CAST: variants seen among roughly 807,000 people sequenced by gnomAD.
The protein encoded by CAST is MIR583 host.
A neutral mutation model predicts 119.6 loss-of-function variants in CAST; 76 were observed. That is an observed-to-expected ratio of 0.64 (90% CI 0.53 to 0.77). CAST has a LOEUF of 0.77. CAST is among the 30% of genes least tolerant of loss of function. CAST has a pLI of 0.00. For missense variants in CAST, 953 were observed against 946.5 expected (o/e 1.01, Z -0.09); for synonymous variants, 319 against 331.6 (o/e 0.96, Z 0.41).
chr5:96,494,954 A>G, the CAST span, among the ~76,000 whole-genome samples: 1 of 151,788 alleles, frequency 6.6e-6, no homozygotes, highest in Admixed American at 6.6e-5. Flanking sequence ...CGTCTCTACT[A>G]AAAATACAAA....
the CAST span, among the ~76,000 whole-genome samples, chr5:96,322,662 A>C: frequency 6.6e-6 from 1 of 152,128 alleles, no homozygotes; most frequent in African/African-American, 2.4e-5. Context: ...AGAGGAGAAC[A>C]AGGGGACAGG....
At chr5:96,771,755 A>G in intron 31 of CAST, 53 bp downstream of exon 31, 2 of 1,144,418 alleles carry the variant, frequency 1.7e-6, no homozygotes, top group African/African-American at 1.5e-5. Flanking sequence ...CTGCCAATTT[A>G]TGTGTTATAG....
At chr5:96,082,510 T>C in the CAST span, among the ~76,000 whole-genome samples, 1 of 152,188 alleles carries the variant, frequency 6.6e-6, no homozygotes, top group African/African-American at 2.4e-5. Flanking sequence ...AAAATGAAGA[T>C]TTTTCTCTTA....
At chr5:96,668,632 C>G (rs965205848) in intron 1 of CAST, among the ~76,000 whole-genome samples, 6 of 152,116 alleles carry the variant, frequency 3.9e-5, no homozygotes, top group Admixed American at 1.3e-4. Context: ...ACCATTAGCC[C>G]TATTTTACAA....
At chr5:96,445,498 T>A in the CAST span, among the ~76,000 whole-genome samples, 2 of 152,218 alleles carry the variant, frequency 1.3e-5, no homozygotes, top group African/African-American at 4.8e-5. Context: ...ATTCTAGACC[T>A]CCATGGGCAG....
At chr5:96,530,270 G>C (rs917071754) in intron 1 of CAST, among the ~76,000 whole-genome samples, 7 of 152,104 alleles carry the variant, frequency 4.6e-5, no homozygotes, top group Non-Finnish European at 1.0e-4. Flanking sequence ...GGAACCATAG[G>C]AAGGATGAGA....
the CAST span, among the ~76,000 whole-genome samples, chr5:96,512,192 G>A: frequency 0.016 from 2,397 of 152,250 alleles, 69 homozygotes; most frequent in African/African-American, 0.056. Context: ...TTTAGAAATT[G>A]CACATGTATT....
the CAST span, among the ~76,000 whole-genome samples, chr5:95,989,868 G>A: frequency 6.6e-6 from 1 of 152,108 alleles, no homozygotes; most frequent in African/African-American, 2.4e-5. Context: ...AGATCTTGTT[G>A]TACCCTGCCA....
the CAST span, among the ~76,000 whole-genome samples, chr5:96,065,152 T>C: frequency 2.6e-5 from 4 of 152,248 alleles, no homozygotes; most frequent in Admixed American, 6.5e-5. Flanking sequence ...GTACATTTCT[T>C]TTTGGTGGAA....
chr5:96,300,171 T>C, the CAST span, among the ~76,000 whole-genome samples: 1 of 152,116 alleles, frequency 6.6e-6, no homozygotes, highest in African/African-American at 2.4e-5. Flanking sequence ...CTATAAAACA[T>C]TATTTCACAG....
chr5:96,482,104 T>C, the CAST span, among the ~76,000 whole-genome samples: 1 of 152,156 alleles, frequency 6.6e-6, no homozygotes, highest in Non-Finnish European at 1.5e-5. Context: ...ATCTCTTTTC[T>C]CTGCAATTTA....
the CAST span, among the ~76,000 whole-genome samples, chr5:96,296,025 G>A: frequency 6.6e-6 from 1 of 152,154 alleles, no homozygotes; most frequent in Admixed American, 6.5e-5. Context: ...ACCATGAACA[G>A]TTGTTACTTT....
the CAST span, among the ~76,000 whole-genome samples, chr5:96,091,526 G>A: frequency 4.4e-5 from 4 of 90,546 alleles, no homozygotes; most frequent in Non-Finnish European, 4.3e-5. Flanking sequence ...TTTTTTTTGA[G>A]ATAGGGTCTT....
chr5:96,446,235 C>T, the CAST span, among the ~76,000 whole-genome samples: 1 of 151,040 alleles, frequency 6.6e-6, no homozygotes, highest in Non-Finnish European at 1.5e-5. Context: ...GACAACCCCT[C>T]ATTTGGTCTA....
chr5:96,652,654 T>G (rs926029927), intron 1 of CAST, among the ~76,000 whole-genome samples: 1 of 152,218 alleles, frequency 6.6e-6, no homozygotes, highest in African/African-American at 2.4e-5. Flanking sequence ...GGGAGTAAGA[T>G]ATGTGCCATA....
At chr5:96,241,933 T>A in the CAST span, among the ~76,000 whole-genome samples, 10 of 137,880 alleles carry the variant, frequency 7.3e-5, no homozygotes, top group Non-Finnish European at 1.3e-4. Flanking sequence ...CTTGTAAATT[T>A]GTTTGAGTTC....
Position 96,722,715 on chromosome 5 carries a change from T to G in CAST, c.270+17T>G. 2 of 1,578,754 alleles carry G rather than the reference T, an allele frequency of 1.3e-6. No homozygotes were observed. The highest frequency in any genetic ancestry group is 8.7e-7 in the Non-Finnish European group (1 of 1,147,722). ...GAAACCAAGGTATGAAGAATGCTAA[T>G]TGAGTGAGTGCTAATTTAAGTTGAT... is the stretch of plus-strand genomic sequence containing the variant. On this transcript the variant is annotated intron_variant, in intron 4 of 31. Coordinates refer to ENST00000675179, the MANE Select transcript of CAST (RefSeq NM_001750.7).
chr5:96,109,486 T>C, the CAST span, among the ~76,000 whole-genome samples: 1 of 152,236 alleles, frequency 6.6e-6, no homozygotes, highest in Non-Finnish European at 1.5e-5. Context: ...GACTCGAAGA[T>C]AAATTGTTTG....
At chr5:96,250,654 A>C in the CAST span, among the ~76,000 whole-genome samples, 1 of 152,044 alleles carries the variant, frequency 6.6e-6, no homozygotes. Flanking sequence ...TTGTGAATAA[A>C]AGCAGGATTC....
Sources: gnomAD v4.1 joint callset for allele counts (sites outside exome capture counted in the v4.1 genomes callset) on GRCh38, gnomAD v4.1.1 for gene constraint, MANE v1.5 for transcripts, NCBI Gene and HGNC (gene_info 2026-07-23, HGNC 2026-07-21) for gene names.